Variants in ARIH2 observed in about 807,000 individuals in gnomAD.
ARIH2 encodes E3 ubiquitin-protein ligase ARIH2.
In ARIH2, 12 loss-of-function variants were observed where a neutral mutation model predicts 79.8. The observed-to-expected ratio is 0.15, with a 90% CI of 0.10 to 0.24. ARIH2 has a LOEUF of 0.24. Among genes scored for constraint, ARIH2 ranks in the 10% least tolerant of loss-of-function variants. The probability of loss-of-function intolerance (pLI) is 1.00; values close to 1 mark genes in which losing one functional copy is unlikely to be tolerated. For synonymous variants in ARIH2, 224 were observed against 213.9 expected (o/e 1.05, Z -0.41); for missense variants, 301 against 618.3 (o/e 0.49, Z 5.44).
At chr3:48,931,297 G>A (rs944227250) in intron 3 of ARIH2, among the ~76,000 whole-genome samples, 1 of 152,174 alleles carries the variant, frequency 6.6e-6, no homozygotes, top group Non-Finnish European at 1.5e-5. Context: ...TGTAATCCCA[G>A]CACTATGGGA....
Position 48,927,657 on chromosome 3 carries a change from G to T in ARIH2, c.99G>T (p.Gly33=). 6.2e-7 allele frequency: 1 copy of T among 1,613,912 alleles called. No individual in the cohort carries two copies. Among genetic ancestry groups the T allele is most frequent in the South Asian group, 1.1e-5 (1 of 91,058 alleles). Residue 33 remains glycine (G), a synonymous_variant, in exon 3 of 16, where the codon GGG becomes GGT. Transcript: ENST00000356401. ...EEEEEEEDDP[G]DIEDYYVGVA... Reference sequence around the variant, plus strand: ...AAGAAGAAGAAGAAGACGACCCTGGGGACATAGAGGACTATTACGTGGGAG... The same window carrying T: ...AAGAAGAAGAAGAAGACGACCCTGGTGACATAGAGGACTATTACGTGGGAG...
intron 3 of ARIH2, among the ~76,000 whole-genome samples, chr3:48,960,431 G>A (rs947823222): frequency 6.7e-6 from 1 of 150,136 alleles, no homozygotes; most frequent in South Asian, 2.1e-4. Flanking sequence ...TTCCAGCCTA[G>A]ACAACCGTAG....
chr3:48,967,830 G>A (rs937170236), intron 6 of ARIH2, among the ~76,000 whole-genome samples: 2 of 152,146 alleles, frequency 1.3e-5, no homozygotes, highest in Admixed American at 6.6e-5. Flanking sequence ...TTATTTAATG[G>A]TGCCGTTAGT....
intron 3 of ARIH2, among the ~76,000 whole-genome samples, chr3:48,929,657 T>G (rs1250836982): frequency 6.6e-6 from 1 of 152,236 alleles, no homozygotes; most frequent in East Asian, 1.9e-4. Context: ...TTTGGCATGA[T>G]CTCTCCAACT....
At chr3:48,978,256 ATTT>A (rs548878345) in intron 11 of ARIH2, among the ~76,000 whole-genome samples, 2 of 133,744 alleles carry the variant, frequency 1.5e-5, no homozygotes. Flanking sequence ...CATATAGGGG[ATTT>A]TTTTTTTTTT....
intron 11 of ARIH2, 30 bp from the exon 12 acceptor site, chr3:48,979,444 CTTGTAGAT>C (rs1327733447): frequency 2.9e-5 from 47 of 1,603,056 alleles, no homozygotes; most frequent in Non-Finnish European, 3.7e-5. Flanking sequence ...GTGGAGTTGT[CTTGTAGAT>C]GTAAATGACT....
intron 13 of ARIH2, among the ~76,000 whole-genome samples, chr3:48,981,196 G>A (rs1025068180): frequency 1.3e-5 from 2 of 151,798 alleles, no homozygotes; most frequent in African/African-American, 4.8e-5. Flanking sequence ...GCCTGGTGTG[G>A]TGATGCACAC....
intron 13 of ARIH2, among the ~76,000 whole-genome samples, chr3:48,980,956 G>A (rs1332441628): frequency 6.9e-6 from 1 of 144,568 alleles, no homozygotes; most frequent in Non-Finnish European, 1.5e-5. Flanking sequence ...GGGAGTCAGA[G>A]GCTGCAGTGA....
chr3:48,951,447 T>G (rs1169129015), intron 3 of ARIH2, among the ~76,000 whole-genome samples: 1 of 152,208 alleles, frequency 6.6e-6, no homozygotes, highest in Non-Finnish European at 1.5e-5. Flanking sequence ...ATCATGGTTA[T>G]GCTAACCTCA....
intron 3 of ARIH2, among the ~76,000 whole-genome samples, chr3:48,944,757 T>C (rs1466090683): frequency 1.3e-5 from 2 of 152,178 alleles, no homozygotes; most frequent in Non-Finnish European, 2.9e-5. Flanking sequence ...CGTAGGCTGG[T>C]GTTTACTTAC....
intron 4 of ARIH2, 39 bp downstream of exon 4, chr3:48,961,718 G>A: frequency 7.7e-7 from 1 of 1,301,298 alleles, no homozygotes; most frequent in Non-Finnish European, 1.1e-6. Context: ...ATTGCCCATA[G>A]CTCCCCTCTC....
At chr3:48,958,952 T>A (rs145990737) in intron 3 of ARIH2, among the ~76,000 whole-genome samples, 213 of 152,088 alleles carry the variant, frequency 1.4e-3, no homozygotes, top group Admixed American at 3.4e-3. Flanking sequence ...GAAGTGCAGA[T>A]TGCAGTAGCC....
chr3:48,979,186 C>CAGTA (rs1315986185), intron 11 of ARIH2, among the ~76,000 whole-genome samples: 1 of 152,114 alleles, frequency 6.6e-6, no homozygotes, highest in African/African-American at 2.4e-5. Context: ...CATAGCAGAC[C>CAGTA]AGTAGTCTGT....
chr3:48,947,178 C>G (rs912549999), intron 3 of ARIH2, among the ~76,000 whole-genome samples: 1 of 152,180 alleles, frequency 6.6e-6, no homozygotes, highest in Non-Finnish European at 1.5e-5. Context: ...CAGTGGCTCA[C>G]GCCTGTAATC....
intron 3 of ARIH2, chr3:48,928,047 A>G (rs886841591): frequency 9.6e-6 from 5 of 518,310 alleles, no homozygotes; most frequent in Non-Finnish European, 1.7e-5. Context: ...GGGGTGGGAC[A>G]GATTCAAGAA....
At chr3:48,979,442 G>C in intron 11 of ARIH2, 40 bp from the exon 12 acceptor site, 1 of 1,601,950 alleles carries the variant, frequency 6.2e-7, no homozygotes, top group Non-Finnish European at 8.5e-7. Flanking sequence ...AAGTGGAGTT[G>C]TCTTGTAGAT....
chr3:48,929,634 C>T (rs935542394), intron 3 of ARIH2, among the ~76,000 whole-genome samples: 1 of 152,140 alleles, frequency 6.6e-6, no homozygotes. Context: ...TTATGTTTTA[C>T]CTGTTCACAC....
intron 3 of ARIH2, among the ~76,000 whole-genome samples, chr3:48,946,303 C>T (rs985627049): frequency 7.2e-5 from 11 of 151,908 alleles, no homozygotes; most frequent in African/African-American, 2.7e-4. Context: ...GAGAACTTGA[C>T]TCCCAAGCAG....
At chr3:48,961,430 A>C (rs2091247474) in intron 3 of ARIH2, among the ~76,000 whole-genome samples, 182 bp from the exon 4 acceptor site, 1 of 152,270 alleles carries the variant, frequency 6.6e-6, no homozygotes, top group Non-Finnish European at 1.5e-5. Context: ...CAAGAGATTC[A>C]TGAAATCACT....
Sources: gnomAD v4.1 joint callset for allele counts (sites outside exome capture counted in the v4.1 genomes callset) on GRCh38, gnomAD v4.1.1 for gene constraint, MANE v1.5 for transcripts, NCBI Gene and HGNC (gene_info 2026-07-23, HGNC 2026-07-21) for gene names.